LPIN1: variants seen among roughly 807,000 people sequenced by gnomAD.
LPIN1 encodes phosphatidate phosphatase LPIN1.
Under a neutral mutation model 107.5 loss-of-function variants are expected in LPIN1, and 71 were observed. That is an observed-to-expected ratio of 0.66 (90% CI 0.55 to 0.80). The LOEUF (loss-of-function observed/expected upper bound fraction) is 0.80, where lower values mean the gene tolerates loss of function less well. Ranked by LOEUF, LPIN1 falls within the 30% of genes least tolerant of loss-of-function variation. The pLI, the probability that LPIN1 is intolerant of heterozygous loss-of-function variation, is 0.00. For synonymous variants in LPIN1, 445 were observed against 452.6 expected, an observed-to-expected ratio of 0.98 and a Z score of 0.21; for missense variants, 1,043 against 1,160.6, an observed-to-expected ratio of 0.90 and a Z score of 1.47.
chr2:11,687,448 C>T (rs6432231), intron 1 of LPIN1, among the ~76,000 whole-genome samples: 1 of 152,080 alleles, frequency 6.6e-6, no homozygotes, highest in African/African-American at 2.4e-5. Flanking sequence ...GAGGGGCAGG[C>T]GGATGTGATA....
chr2:11,695,643 C>T (rs139504832), intron 1 of LPIN1, among the ~76,000 whole-genome samples: 3 of 152,176 alleles, frequency 2.0e-5, no homozygotes, highest in African/African-American at 7.2e-5. Context: ...TAGCTGGGCC[C>T]CTTTTGACTG....
chr2:11,729,414 C>G (rs1177601212), intron 1 of LPIN1, among the ~76,000 whole-genome samples: 1 of 152,236 alleles, frequency 6.6e-6, no homozygotes, highest in Non-Finnish European at 1.5e-5. Context: ...CCAAGTCTTT[C>G]CTCCAATCCT....
intron 1 of LPIN1, among the ~76,000 whole-genome samples, chr2:11,761,304 C>CT (rs929081389): frequency 1.3e-5 from 2 of 152,070 alleles, no homozygotes; most frequent in Admixed American, 1.3e-4. Context: ...CCCACTGCAC[C>CT]TTTTTTGCAT....
At chr2:11,808,897 G>C in intron 17 of LPIN1, among the ~76,000 whole-genome samples, 1 of 151,454 alleles carries the variant, frequency 6.6e-6, no homozygotes. Context: ...GAGAGAGCGA[G>C]AGAGAGAGAA....
chr2:11,686,092 C>G (rs937472474), intron 1 of LPIN1, among the ~76,000 whole-genome samples: 2 of 152,208 alleles, frequency 1.3e-5, no homozygotes, highest in African/African-American at 4.8e-5. Flanking sequence ...TTGGCCCCTA[C>G]TTTCCATTGT....
intron 17 of LPIN1, among the ~76,000 whole-genome samples, chr2:11,813,700 A>T (rs1680076454): frequency 2.0e-5 from 3 of 152,062 alleles, no homozygotes; most frequent in Admixed American, 6.6e-5. Flanking sequence ...GGATCACCTG[A>T]GGTCAGGAGT....
At position 11,746,657 on chromosome 2, in the gene LPIN1, G is replaced by C. The variant is rs1445154789; in HGVS notation, c.-24G>C. On this transcript the variant is annotated 5_prime_UTR_variant, in exon 1 of 21. Coordinates refer to ENST00000674199, the MANE Select transcript of LPIN1 (RefSeq NM_001349206.2). The stretch of plus-strand genomic sequence containing the variant: ...GTGTTTGCAATACAAAGGCGGCCAC[G>C]CGCGGCGCCGCTCGGTGAGTAGCCG... 1 of 985,106 alleles carries C rather than the reference G, an allele frequency of 1.0e-6. No individual in the cohort carries two copies. Among genetic ancestry groups the C allele is most frequent in the Non-Finnish European group, 1.2e-6 (1 of 829,818 alleles). The allele number at this position is 985,106 out of a possible 1,614,324, so 61.0% of individuals were successfully genotyped here. A position where few individuals can be genotyped will look rare whatever the true frequency, so the allele number is the denominator to read the frequency against.
chr2:11,716,603 T>G (rs1051237732), intron 2 of LPIN1, among the ~76,000 whole-genome samples: 13 of 152,018 alleles, frequency 8.6e-5, no homozygotes, highest in African/African-American at 3.1e-4. Context: ...GGGATCATAA[T>G]GATGGTGCCG....
chr2:11,701,103 T>A (rs1662850729), intron 1 of LPIN1, among the ~76,000 whole-genome samples: 1 of 152,202 alleles, frequency 6.6e-6, no homozygotes, highest in Non-Finnish European at 1.5e-5. Flanking sequence ...AGCCTTTGCT[T>A]CTTGACACAT....
Position 11,825,355 on chromosome 2 carries a change from T to A in LPIN1, c.*564T>A, listed in dbSNP as rs985125202. 6.4e-6 allele frequency: 1 copy of A among 156,416 alleles called. No individual in the cohort carries two copies. The highest frequency in any genetic ancestry group is 2.4e-5 in the African/African-American group (1 of 41,614). 9.7% of individuals were successfully genotyped at this position (156,416 alleles called of 1,614,324 possible). A position where few individuals can be genotyped will look rare whatever the true frequency, so the allele number is the denominator to read the frequency against. ...ACCGGGTCCAGGCCTGGCCTCAGAC[T>A]TGGCCTTGTGGATGGGCCCCTTACA... On this transcript the variant is annotated 3_prime_UTR_variant, in exon 21 of 21. Coordinates refer to ENST00000674199, the MANE Select transcript of LPIN1 (RefSeq NM_001349206.2). This position sits in a 1 kb window ranked among gnomAD's most constrained non-coding sequence, Gnocchi z 4.1.
At chr2:11,815,982 A>T (rs1680512121) in intron 18 of LPIN1, among the ~76,000 whole-genome samples, 1 of 152,200 alleles carries the variant, frequency 6.6e-6, no homozygotes, top group African/African-American at 2.4e-5. Flanking sequence ...ACCATAGGAC[A>T]TTGGTCCCTG....
At chr2:11,784,438 C>A in intron 9 of LPIN1, 1 of 1,108,936 alleles carries the variant, frequency 9.0e-7, no homozygotes, top group Non-Finnish European at 1.1e-6. Context: ...GGCGCAGCAC[C>A]GGGCTGCCCT....
Position 11,824,742 on chromosome 2 carries a change from A to C in LPIN1, c.2732A>C (p.Glu911Ala), listed in dbSNP as rs748706363. The stretch of plus-strand genomic sequence containing the variant: ...TTCAGTAACTTCACCTTTTGGAGAG[A>C]GCCACTGCCACCTTTTGAAAACCAG... Reference protein sequence around the residue: ...DTFSNFTFWREPLPPFENQDI... With the variant: ...DTFSNFTFWRAPLPPFENQDI... The change falls in exon 21 of 21, where the codon GAG (glutamate) becomes GCG (alanine). Residue 911 changes from glutamate to alanine, a missense_variant. Transcript: ENST00000674199. 2.1e-5 allele frequency: 34 copies of C among 1,614,116 alleles called. No individual in the cohort carries two copies. Among genetic ancestry groups the C allele is most frequent in the Non-Finnish European group, 2.9e-5 (34 of 1,180,022 alleles).
At chr2:11,787,945 A>AG (rs1674948974) in intron 11 of LPIN1, among the ~76,000 whole-genome samples, 1 of 151,912 alleles carries the variant, frequency 6.6e-6, no homozygotes, top group African/African-American at 2.4e-5. Flanking sequence ...TGTCTCAAAA[A>AG]AAAAAAAAAA....
intron 1 of LPIN1, among the ~76,000 whole-genome samples, chr2:11,737,514 A>G (rs1235197245): frequency 6.6e-6 from 1 of 152,194 alleles, no homozygotes; most frequent in Non-Finnish European, 1.5e-5. Context: ...CCAGAATTTA[A>G]AAGGAACTTA....
chr2:11,687,948 G>A (rs1254293389), intron 1 of LPIN1, among the ~76,000 whole-genome samples: 5 of 152,236 alleles, frequency 3.3e-5, no homozygotes, highest in African/African-American at 4.8e-5. Flanking sequence ...GACTCATCAC[G>A]CCCTCCGGGC....
chr2:11,688,792 G>T (rs935040330), intron 1 of LPIN1, among the ~76,000 whole-genome samples: 2 of 152,224 alleles, frequency 1.3e-5, no homozygotes, highest in African/African-American at 4.8e-5. Flanking sequence ...TTTCAAAACA[G>T]TTCAAAATAA....
chr2:11,716,065 G>C (rs1663722269), intron 2 of LPIN1, among the ~76,000 whole-genome samples: 1 of 152,150 alleles, frequency 6.6e-6, no homozygotes, highest in African/African-American at 2.4e-5. Flanking sequence ...CCCAAGGCAG[G>C]TGACCAGCTG....
intron 1 of LPIN1, among the ~76,000 whole-genome samples, chr2:11,753,685 TATC>T (rs1439514275): frequency 6.6e-6 from 1 of 152,218 alleles, no homozygotes; most frequent in Admixed American, 6.5e-5. Context: ...TCATCACCCT[TATC>T]AACCGCCGTT....
Sources: gnomAD v4.1 joint callset for allele counts (sites outside exome capture counted in the v4.1 genomes callset) on GRCh38, gnomAD v4.1.1 for gene constraint, Gnocchi (gnomAD v3.1) non-coding constraint, MANE v1.5 for transcripts, NCBI Gene and HGNC (gene_info 2026-07-23, HGNC 2026-07-21) for gene names.